The following DMXL1 variants were observed in gnomAD, a reference collection of about 807,000 sequenced individuals.
DMXL1 encodes dmX-like protein 1.
In DMXL1, 99 loss-of-function variants were observed where a neutral mutation model predicts 319.2. The observed-to-expected ratio is 0.31, with a 90% confidence interval of 0.26 to 0.37. The LOEUF is 0.37. Ranked by LOEUF, DMXL1 falls within the 10% of genes least tolerant of loss-of-function variation. The pLI is 1.00. For synonymous variants in DMXL1, 1,385 were observed against 1,235.2 expected (o/e 1.12, Z -2.54); for missense variants, 3,745 against 3,595.6 (o/e 1.04, Z -1.06).
chr5:119,204,825 AC>A (rs1781475993), intron 33 of DMXL1, among the ~76,000 whole-genome samples: 1 of 152,188 alleles, frequency 6.6e-6, no homozygotes, highest in Non-Finnish European at 1.5e-5. Flanking sequence ...GTTGGAGGAA[AC>A]ACTGAAGATA....
chr5:119,105,746 A>T (rs1758193895), intron 4 of DMXL1, among the ~76,000 whole-genome samples: 1 of 152,024 alleles, frequency 6.6e-6, no homozygotes, highest in Admixed American at 6.6e-5. Flanking sequence ...AAATACAAAA[A>T]ATTAGCTGGG....
intron 28 of DMXL1, among the ~76,000 whole-genome samples, chr5:119,180,354 G>A (rs1404091217): frequency 6.6e-6 from 1 of 152,034 alleles, no homozygotes; most frequent in African/African-American, 2.4e-5. Context: ...TTCAGTTTTT[G>A]CTGTTGTAAA....
chr5:119,071,767 G>C (rs541508833), intron 1 of DMXL1, 111 bp downstream of exon 1: 9 of 996,844 alleles, frequency 9.0e-6, no homozygotes, highest in Non-Finnish European at 1.1e-5. Flanking sequence ...CTCCCCAGGG[G>C]GGTCCTTACC....
chr5:119,134,304 C>G lies in DMXL1; in HGVS notation c.2291C>G (p.Ala764Gly). Residue 764 changes from alanine to glycine, a missense_variant, in exon 13 of 44, where the codon GCC (alanine) becomes GGC (glycine). Ala to Gly is a moderately conservative substitution (Grantham distance 60). Around this residue, in one of 4 missense-constraint regions of DMXL1, gnomAD observed 2,096 missense variants for 1,985.4 expected, o/e 1.06. Transcript: ENST00000539542. ...AACTCTCCTAGTGCATGCTTTGTAGCCAGTGATGGACAATATCTGAGATTA... is the reference window on the plus strand; with the variant it reads ...AACTCTCCTAGTGCATGCTTTGTAGGCAGTGATGGACAATATCTGAGATTA... ...YCNSPSACFV[A>G]SDGQYLRLYE... The G allele has an allele frequency of 6.2e-7, 1 of 1,613,800 alleles. No individual in the cohort carries two copies. The highest frequency in any genetic ancestry group is 8.5e-7 in the Non-Finnish European group (1 of 1,179,858).
chr5:119,163,490 C>CA (rs1772708687), intron 19 of DMXL1, among the ~76,000 whole-genome samples: 1 of 152,216 alleles, frequency 6.6e-6, no homozygotes, highest in Admixed American at 6.5e-5. Flanking sequence ...GATCTTGCCT[C>CA]ACTGCCATGT....
chr5:119,122,604 G>C (rs997027754), intron 9 of DMXL1, among the ~76,000 whole-genome samples: 1 of 150,324 alleles, frequency 6.7e-6, no homozygotes, highest in African/African-American at 2.5e-5. Context: ...TTGCCAGGCA[G>C]AGGGTCTCCT....
chr5:119,211,954 T>A (rs1282291413), intron 34 of DMXL1, among the ~76,000 whole-genome samples: 2 of 152,216 alleles, frequency 1.3e-5, no homozygotes, highest in African/African-American at 4.8e-5. Context: ...GGTGTTAATC[T>A]ATTGTAACTA....
chr5:119,187,392 AC>A (rs1303613715), intron 28 of DMXL1, among the ~76,000 whole-genome samples: 1 of 152,174 alleles, frequency 6.6e-6, no homozygotes, highest in African/African-American at 2.4e-5. Flanking sequence ...CCAGTTGAAC[AC>A]CCAGCAGCTA....
Position 119,178,117 on chromosome 5 carries a change from C to G in DMXL1, c.7008C>G (p.Ala2336=). ...VYLSLFIHGL[A]THSSNELFRI... ...TTAGTCTCTTCATCCATGGCCTGGCCACACATTCAAGTAATGAGCTATTTC... is the reference window on the plus strand; with the variant it reads ...TTAGTCTCTTCATCCATGGCCTGGCGACACATTCAAGTAATGAGCTATTTC... Residue 2336 remains alanine, a synonymous_variant, in exon 28 of 44, where the codon GCC becomes GCG. Coordinates refer to ENST00000539542, the MANE Select transcript of DMXL1 (RefSeq NM_001290321.3). 1 of 1,613,932 alleles carries G rather than the reference C, an allele frequency of 6.2e-7. No individual in the cohort carries two copies. Among genetic ancestry groups the G allele is most frequent in the Middle Eastern group, 1.7e-4 (1 of 6,060 alleles).
intron 2 of DMXL1, among the ~76,000 whole-genome samples, chr5:119,098,432 A>G (rs1180389097): frequency 7.0e-6 from 1 of 143,202 alleles, no homozygotes; most frequent in East Asian, 2.3e-4. Context: ...AATAAACTAA[A>G]GGAAATGATT....
chr5:119,196,989 A>G (rs1240571931), intron 31 of DMXL1, among the ~76,000 whole-genome samples: 1 of 152,202 alleles, frequency 6.6e-6, no homozygotes, highest in Non-Finnish European at 1.5e-5. Flanking sequence ...GGTCATTTCT[A>G]AAATTGAAAA....
chr5:119,191,088 G>C (rs1247393246), intron 29 of DMXL1, among the ~76,000 whole-genome samples: 1 of 152,174 alleles, frequency 6.6e-6, no homozygotes, highest in Admixed American at 6.5e-5. Context: ...CTAATGGTAA[G>C]AGTTTTTAGG....
In DMXL1 at chr5:119,133,919, T is replaced by C; in HGVS notation, c.1995T>C (p.Asp665=). ...TSHHNALRTP[D]VDNPEQPFDA... ...ACCATAATGCATTAAGGACACCAGA[T>C]GTTGATAACCCAGAGCAACCTTTTG... Residue 665 remains aspartate (D), a synonymous_variant, in exon 12 of 44, where the codon GAT becomes GAC. Coordinates refer to ENST00000539542, the MANE Select transcript of DMXL1 (RefSeq NM_001290321.3). 1.9e-6 allele frequency: 3 copies of C among 1,614,196 alleles called. No individual in the cohort carries two copies. The highest frequency in any genetic ancestry group is 2.5e-6 in the Non-Finnish European group (3 of 1,180,034).
At position 119,149,450 on chromosome 5, in the gene DMXL1, C is replaced by T; in HGVS notation, c.3623C>T (p.Ser1208Phe). The change falls in exon 18 of 44, where the codon TCT becomes TTT. Residue 1208 changes from serine to phenylalanine, a missense_variant. Ser to Phe is a radical substitution (Grantham distance 155, BLOSUM62 -2). Coordinates refer to ENST00000539542, the MANE Select transcript of DMXL1 (RefSeq NM_001290321.3). The part of the protein sequence containing the change: ...VLLRSVDLVS[S>F]VDGSPPFPVS... ...TTACGAAGTGTGGACCTAGTTTCTTCTGTAGATGGCTCCCCACCTTTTCCT... is the reference window on the plus strand; with the variant it reads ...TTACGAAGTGTGGACCTAGTTTCTTTTGTAGATGGCTCCCCACCTTTTCCT... The T allele has an allele frequency of 1.9e-6, 3 of 1,613,962 alleles. No individual in the cohort carries two copies. The highest frequency in any genetic ancestry group is 2.5e-6 in the Non-Finnish European group (3 of 1,179,900).
intron 42 of DMXL1, among the ~76,000 whole-genome samples, chr5:119,240,718 G>A (rs1201198738): frequency 6.6e-6 from 1 of 152,120 alleles, no homozygotes; most frequent in Non-Finnish European, 1.5e-5. Flanking sequence ...GAATCTGATA[G>A]CCACAGGTTA....
Position 119,193,939 on chromosome 5 carries a change from C to T in DMXL1, c.7426C>T (p.Leu2476Phe). Reference sequence around the variant, plus strand: ...TGATGTTTTAGCATCAGATTTCCATCTCCAGGAACATTCTAATTCAAATTC... The same window carrying T: ...TGATGTTTTAGCATCAGATTTCCATTTCCAGGAACATTCTAATTCAAATTC... Reference protein sequence around the residue: ...DDDVLASDFHLQEHSNSNSYS... With the variant: ...DDDVLASDFHFQEHSNSNSYS... Residue 2476 changes from leucine (L) to phenylalanine (F), a missense_variant, in exon 30 of 44, where the codon CTC becomes TTC. By Grantham distance (22) the Leu-to-Phe change is conservative. Around this residue, in one of 4 missense-constraint regions of DMXL1, gnomAD observed 1,382 missense variants for 1,269.5 expected, o/e 1.09. Coordinates refer to ENST00000539542, the MANE Select transcript of DMXL1 (RefSeq NM_001290321.3). The T allele has an allele frequency of 1.2e-6, 2 of 1,609,380 alleles. No homozygotes were observed. Among genetic ancestry groups the T allele is most frequent in the Non-Finnish European group, 1.7e-6 (2 of 1,177,182 alleles).
At chr5:119,111,464 T>A (rs1279704551) in intron 5 of DMXL1, among the ~76,000 whole-genome samples, 3 of 152,220 alleles carry the variant, frequency 2.0e-5, no homozygotes, top group Admixed American at 6.5e-5. Flanking sequence ...TAACTTTTTT[T>A]AAAAATGTGG....
chr5:119,095,236 A>T (rs1755668669), intron 1 of DMXL1, among the ~76,000 whole-genome samples: 1 of 152,332 alleles, frequency 6.6e-6, no homozygotes, highest in East Asian at 1.9e-4. Flanking sequence ...TCGCTGAGAA[A>T]AAGTCAAATA....
intron 4 of DMXL1, among the ~76,000 whole-genome samples, chr5:119,109,117 A>G (rs1219800423): frequency 3.3e-5 from 5 of 152,186 alleles, no homozygotes; most frequent in African/African-American, 9.6e-5. Flanking sequence ...CTGAATTTCT[A>G]TAGTTAATTA....
Sources: gnomAD v4.1 joint callset for allele counts (sites outside exome capture counted in the v4.1 genomes callset) on GRCh38, gnomAD v4.1.1 for gene constraint, gnomAD v4.1.1 regional missense constraint, MANE v1.5 for transcripts, NCBI Gene and HGNC (gene_info 2026-07-23, HGNC 2026-07-21) for gene names.